The following MAML2 variants were observed in gnomAD, a reference collection of about 807,000 sequenced individuals.
The protein encoded by MAML2 is mastermind like transcriptional coactivator 2, also known as mastermind-like protein 2.
In MAML2, 22 loss-of-function variants were observed where a neutral mutation model predicts 96.1. The ratio of observed to expected loss-of-function variants is 0.23; its 90% CI spans 0.16 to 0.33. The LOEUF is 0.33. Ranked by LOEUF, MAML2 falls within the 10% of genes least tolerant of loss-of-function variation. The pLI is 1.00. For missense variants in MAML2, 1,367 were observed against 1,392.4 expected, an observed-to-expected ratio of 0.98 and a Z score of 0.29; for synonymous variants, 561 against 521.3, an observed-to-expected ratio of 1.08 and a Z score of -1.04.
chr11:95,980,524 C>A (rs553992834), intron 4 of MAML2, among the ~76,000 whole-genome samples: 1 of 152,190 alleles, frequency 6.6e-6, no homozygotes, highest in African/African-American at 2.4e-5. Context: ...CTTTAAACAT[C>A]TGGAATTCAG....
At chr11:96,235,198 C>T (rs1862351714) in intron 1 of MAML2, among the ~76,000 whole-genome samples, 1 of 152,124 alleles carries the variant, frequency 6.6e-6, no homozygotes, top group African/African-American at 2.4e-5. Flanking sequence ...TGCTTATTTT[C>T]TCCTTTAGAT....
chr11:95,995,112 T>C (rs1857971303), intron 2 of MAML2, among the ~76,000 whole-genome samples: 1 of 152,220 alleles, frequency 6.6e-6, no homozygotes, highest in Non-Finnish European at 1.5e-5. Flanking sequence ...TTTCTACACA[T>C]AGGAACAATA....
chr11:96,043,693 T>G (rs1858852115), intron 2 of MAML2, among the ~76,000 whole-genome samples: 2 of 152,236 alleles, frequency 1.3e-5, no homozygotes. Flanking sequence ...ATAATTCAAC[T>G]ATAACAAAAT....
intron 2 of MAML2, among the ~76,000 whole-genome samples, chr11:96,043,978 G>A (rs548716313): frequency 5.3e-5 from 8 of 152,362 alleles, no homozygotes; most frequent in African/African-American, 1.9e-4. Context: ...TGTCAATCAG[G>A]TGAGTAATGG....
At chr11:96,302,944 T>C (rs1243422002) in intron 1 of MAML2, among the ~76,000 whole-genome samples, 1 of 152,248 alleles carries the variant, frequency 6.6e-6, no homozygotes, top group East Asian at 1.9e-4. Flanking sequence ...CTACAGCGAT[T>C]ATGATTATTT....
chr11:96,081,676 C>T (rs1053617432), intron 2 of MAML2, among the ~76,000 whole-genome samples: 2 of 152,170 alleles, frequency 1.3e-5, no homozygotes, highest in Non-Finnish European at 2.9e-5. Context: ...CAATGAGAAG[C>T]AAACTAACGT....
intron 2 of MAML2, among the ~76,000 whole-genome samples, chr11:96,065,415 G>GCACA (rs35035966): frequency 0.031 from 4,663 of 149,540 alleles, 106 homozygotes; most frequent in East Asian, 0.096. Flanking sequence ...GTGCGTGCAT[G>GCACA]CACACACACA....
At chr11:96,049,891 A>C (rs1212797417) in intron 2 of MAML2, among the ~76,000 whole-genome samples, 1 of 152,180 alleles carries the variant, frequency 6.6e-6, no homozygotes, top group Non-Finnish European at 1.5e-5. Context: ...TAATTACTTA[A>C]AGATGTTTAT....
At chr11:96,237,607 A>C (rs1452516563) in intron 1 of MAML2, among the ~76,000 whole-genome samples, 2 of 152,232 alleles carry the variant, frequency 1.3e-5, no homozygotes, top group African/African-American at 4.8e-5. Context: ...TTTTCAATCT[A>C]TAGCAGCTTT....
At chr11:96,252,616 G>A (rs1862599894) in intron 1 of MAML2, among the ~76,000 whole-genome samples, 1 of 151,940 alleles carries the variant, frequency 6.6e-6, no homozygotes. Flanking sequence ...AGTAGAGACG[G>A]GGTTTCACCA....
At position 96,113,587 on chromosome 11, in the gene MAML2, C is replaced by T. The variant is rs529669674; in HGVS notation, c.514-20070G>A. 2.1e-5 allele frequency among the ~76,000 whole-genome samples: 3 copies of T among 145,662 alleles called. No homozygotes were observed. The South Asian group carries it at 6.6e-4, about 32-fold the overall frequency. On this transcript the variant is annotated intron_variant, in intron 1 of 4. Transcript: ENST00000524717. ...AGCTTTTACTCTGCTCCTAATGTTT[C>T]TCCATCCCCGTTGTTTGAAAAAAAA...
intron 1 of MAML2, among the ~76,000 whole-genome samples, chr11:96,220,113 G>T (rs928027825): frequency 3.9e-5 from 6 of 152,084 alleles, no homozygotes; most frequent in African/African-American, 1.2e-4. Context: ...GTGTCCATGC[G>T]TTATCAGGCC....
At chr11:96,252,173 C>CCACA (rs752553831) in intron 1 of MAML2, among the ~76,000 whole-genome samples, 5 of 149,190 alleles carry the variant, frequency 3.4e-5, no homozygotes, top group East Asian at 2.0e-4. Context: ...TTCTCTCTCT[C>CCACA]TACACACACA....
intron 1 of MAML2, among the ~76,000 whole-genome samples, chr11:96,121,050 C>T (rs776334471): frequency 9.5e-5 from 14 of 147,968 alleles, no homozygotes; most frequent in East Asian, 2.0e-4. Flanking sequence ...TCATAACTAA[C>T]GAAAAAGTAG....
intron 2 of MAML2, among the ~76,000 whole-genome samples, chr11:96,072,316 TA>T: frequency 6.6e-6 from 1 of 152,314 alleles, no homozygotes; most frequent in African/African-American, 2.4e-5. Flanking sequence ...TATACAATAT[TA>T]CCTGCATACT....
chr11:96,029,556 A>G (rs1418899592), intron 2 of MAML2, among the ~76,000 whole-genome samples: 1 of 152,142 alleles, frequency 6.6e-6, no homozygotes, highest in East Asian at 1.9e-4. Flanking sequence ...AATCTAGATA[A>G]TGTAGTTTTT....
At chr11:96,041,455 G>T (rs751776959) in intron 2 of MAML2, among the ~76,000 whole-genome samples, 2 of 151,186 alleles carry the variant, frequency 1.3e-5, no homozygotes, top group Non-Finnish European at 2.9e-5. Flanking sequence ...GAGCCAGCCT[G>T]GGCAACAGAG....
At chr11:96,261,597 A>G (rs1451296161) in intron 1 of MAML2, among the ~76,000 whole-genome samples, 3 of 152,234 alleles carry the variant, frequency 2.0e-5, no homozygotes, top group Admixed American at 6.5e-5. Flanking sequence ...GGCTTACCCC[A>G]AGTCCTTCTG....
At chr11:96,026,667 C>T (rs1289961891) in intron 2 of MAML2, among the ~76,000 whole-genome samples, 1 of 151,826 alleles carries the variant, frequency 6.6e-6, no homozygotes, top group Non-Finnish European at 1.5e-5. Flanking sequence ...TTGCTCAGCA[C>T]ATATGACTAA....
Sources: gnomAD v4.1 joint callset for allele counts (sites outside exome capture counted in the v4.1 genomes callset) on GRCh38, gnomAD v4.1.1 for gene constraint, MANE v1.5 for transcripts, NCBI Gene and HGNC (gene_info 2026-07-23, HGNC 2026-07-21) for gene names.